SSH2: variants seen among roughly 807,000 people sequenced by gnomAD.
SSH2 encodes the protein protein phosphatase Slingshot homolog 2.
Under a neutral mutation model 135.2 loss-of-function variants are expected in SSH2, and 37 were observed. The observed-to-expected ratio is 0.27, with a 90% CI of 0.21 to 0.36. The LOEUF (loss-of-function observed/expected upper bound fraction) is 0.36. Among genes scored for constraint, SSH2 ranks in the 10% least tolerant of loss-of-function variants. The probability of loss-of-function intolerance (pLI) is 1.00; values close to 1 mark genes in which losing one functional copy is unlikely to be tolerated. For synonymous variants in SSH2, 628 were observed against 646.2 expected, an observed-to-expected ratio of 0.97 and a Z score of 0.43; for missense variants, 1,408 against 1,765.3, an observed-to-expected ratio of 0.80 and a Z score of 3.63.
intron 2 of SSH2, among the ~76,000 whole-genome samples, chr17:29,826,759 G>A (rs546778666): frequency 2.6e-4 from 40 of 152,252 alleles, no homozygotes; most frequent in Admixed American, 8.5e-4. Flanking sequence ...CAGTGGCCCT[G>A]CTTGGGTCAT....
rs796597935 is a variant in SSH2 at position 29,877,023 on chromosome 17, G to GA, written c.64-28095dup. 3.0e-4 allele frequency among the ~76,000 whole-genome samples: 46 copies of GA among 151,610 alleles called. 1 individual carries two copies. Among genetic ancestry groups the GA allele is most frequent in the African/African-American group, 1.0e-3 (42 of 41,380 alleles). On this transcript the variant is annotated intron_variant, in intron 1 of 15. Coordinates refer to ENST00000540801, the MANE Select transcript of SSH2 (RefSeq NM_001282129.2). ...TGAGGAGCTCCAAACAACTCTATAG[G>GA]AAAAAAAATCTAATAATCCAATTAA...
At chr17:29,838,643 T>G (rs1232187461) in intron 2 of SSH2, among the ~76,000 whole-genome samples, 1 of 151,926 alleles carries the variant, frequency 6.6e-6, no homozygotes, top group Non-Finnish European at 1.5e-5. Context: ...GGAGTTACCC[T>G]CTCTGTTGGA....
intron 3 of SSH2, among the ~76,000 whole-genome samples, chr17:29,750,738 G>A (rs1196669930): frequency 2.0e-5 from 3 of 150,816 alleles, no homozygotes; most frequent in Non-Finnish European, 3.0e-5. Context: ...TTTTTTGGCC[G>A]GGTGTGGTGG....
intron 2 of SSH2, among the ~76,000 whole-genome samples, chr17:29,830,090 C>T (rs1467255730): frequency 2.6e-5 from 4 of 152,096 alleles, no homozygotes; most frequent in Non-Finnish European, 1.5e-5. Flanking sequence ...CCTTCCGCCT[C>T]GGCCTCCCAA....
intron 3 of SSH2, among the ~76,000 whole-genome samples, chr17:29,743,914 T>TCC (rs1201473813): frequency 7.7e-6 from 1 of 130,462 alleles, no homozygotes; most frequent in African/African-American, 3.5e-5. Flanking sequence ...TTCCTTTTTT[T>TCC]TTTTTTTTTT....
At chr17:29,677,606 A>C in intron 7 of SSH2, 67 bp downstream of exon 7, 1 of 1,314,412 alleles carries the variant, frequency 7.6e-7, no homozygotes, top group Non-Finnish European at 1.1e-6. Flanking sequence ...TAGCTGAATG[A>C]ATGTGCAGTA....
At chr17:29,635,074 T>G (rs553413758) in intron 15 of SSH2, among the ~76,000 whole-genome samples, 1 of 152,058 alleles carries the variant, frequency 6.6e-6, no homozygotes, top group Non-Finnish European at 1.5e-5. Context: ...CAGCTAATTT[T>G]TGTATTTTTT....
At chr17:29,718,637 G>A (rs2039708209) in intron 3 of SSH2, among the ~76,000 whole-genome samples, 1 of 146,538 alleles carries the variant, frequency 6.8e-6, no homozygotes, top group Non-Finnish European at 1.5e-5. Flanking sequence ...GGAGGCTGAG[G>A]CAGAAGAATG....
chr17:29,794,524 T>A (rs1171161043), intron 2 of SSH2, among the ~76,000 whole-genome samples: 2 of 152,192 alleles, frequency 1.3e-5, no homozygotes, highest in Non-Finnish European at 2.9e-5. Context: ...TTTATTCAAA[T>A]ACACACAGTA....
intron 1 of SSH2, among the ~76,000 whole-genome samples, chr17:29,929,700 G>T (rs954092094): frequency 2.6e-5 from 4 of 152,048 alleles, no homozygotes; most frequent in Admixed American, 6.6e-5. Flanking sequence ...TGCCACAGGG[G>T]ATTTCAGGGC....
intron 3 of SSH2, among the ~76,000 whole-genome samples, chr17:29,731,537 C>G (rs1401008554): frequency 6.6e-6 from 1 of 151,900 alleles, no homozygotes; most frequent in Non-Finnish European, 1.5e-5. Flanking sequence ...CTCACTACAA[C>G]CTCCGCCTCC....
chr17:29,647,314 T>G (rs1471976375), intron 14 of SSH2, among the ~76,000 whole-genome samples: 1 of 150,640 alleles, frequency 6.6e-6, no homozygotes, highest in Non-Finnish European at 1.5e-5. Flanking sequence ...ACTGTGCCAC[T>G]GCACTCCAGC....
chr17:29,861,925 C>T (rs962957384), intron 1 of SSH2, among the ~76,000 whole-genome samples: 1 of 152,080 alleles, frequency 6.6e-6, no homozygotes, highest in Non-Finnish European at 1.5e-5. Context: ...CACCAATAAA[C>T]TGGGAAGCAA....
chr17:29,635,417 T>C (rs924842540), intron 15 of SSH2, among the ~76,000 whole-genome samples: 10 of 152,242 alleles, frequency 6.6e-5, no homozygotes, highest in African/African-American at 2.4e-4. Flanking sequence ...CTTCTTTTTT[T>C]TTTTGAGACA....
intron 2 of SSH2, among the ~76,000 whole-genome samples, chr17:29,816,135 T>C (rs1176765114): frequency 1.3e-5 from 2 of 152,068 alleles, no homozygotes; most frequent in Non-Finnish European, 2.9e-5. Context: ...AGATGTGAGC[T>C]ACCATGCCTG....
chr17:29,844,183 A>G (rs2043092216), intron 2 of SSH2, among the ~76,000 whole-genome samples: 1 of 152,206 alleles, frequency 6.6e-6, no homozygotes, highest in Non-Finnish European at 1.5e-5. Flanking sequence ...CAAGAATATA[A>G]CAAACCAAGC....
At chr17:29,831,728 C>T (rs1419150701) in intron 2 of SSH2, among the ~76,000 whole-genome samples, 12 of 147,318 alleles carry the variant, frequency 8.1e-5, no homozygotes, top group African/African-American at 2.2e-4. Context: ...TGTGCCACCA[C>T]GCCCAGCTAA....
At chr17:29,847,333 T>C (rs1016934080) in intron 2 of SSH2, among the ~76,000 whole-genome samples, 2 of 152,048 alleles carry the variant, frequency 1.3e-5, no homozygotes, top group East Asian at 1.9e-4. Flanking sequence ...GAGAAGCAAA[T>C]AGATAAAAAT....
intron 3 of SSH2, among the ~76,000 whole-genome samples, chr17:29,721,941 G>C (rs1765095450): frequency 6.6e-6 from 1 of 152,126 alleles, no homozygotes; most frequent in Non-Finnish European, 1.5e-5. Context: ...TTCTAAATGA[G>C]ACTGTCCTTG....
Sources: allele counts gnomAD v4.1 joint callset (sites outside exome capture counted in the v4.1 genomes callset), GRCh38; gene constraint gnomAD v4.1.1; transcripts MANE v1.5; gene names NCBI Gene and HGNC (gene_info 2026-07-23, HGNC 2026-07-21).